ANKRD30BL: variants seen among roughly 807,000 people sequenced by gnomAD.
ANKRD30BL encodes the protein ankyrin repeat domain 30B like.
In ANKRD30BL, 20 loss-of-function variants were observed where a neutral mutation model predicts 18.4. The observed-to-expected ratio is 1.09, with a 90% CI of 0.77 to 1.58. The LOEUF is 1.58. ANKRD30BL is among the 40% of genes most tolerant of loss of function. The probability of loss-of-function intolerance (pLI) is 0.00; values close to 1 mark genes in which losing one functional copy is unlikely to be tolerated. For missense variants in ANKRD30BL, 224 were observed against 268.6 expected (o/e 0.83, Z 1.16); for synonymous variants, 72 against 100.9 (o/e 0.71, Z 1.72).
chr2:132,240,222 A>G (rs569283390), intron 1 of ANKRD30BL, among the ~76,000 whole-genome samples: 4 of 151,910 alleles, frequency 2.6e-5, no homozygotes, highest in Non-Finnish European at 5.9e-5. Flanking sequence ...ACAGAGTTAC[A>G]CCTTTCCTTA....
chr2:132,248,677 C>T (rs1680568939), intron 1 of ANKRD30BL, among the ~76,000 whole-genome samples: 1 of 151,264 alleles, frequency 6.6e-6, no homozygotes, highest in African/African-American at 2.4e-5. Context: ...TTTACAAGAA[C>T]AGAGTTTCCA....
At chr2:132,198,416 C>T (rs1475917308) in intron 1 of ANKRD30BL, among the ~76,000 whole-genome samples, 25 of 150,006 alleles carry the variant, frequency 1.7e-4, no homozygotes, top group African/African-American at 5.9e-4. Flanking sequence ...CTCTGCCTCC[C>T]GGGTTCACAC....
At chr2:132,186,690 G>A (rs1017767712) in intron 1 of ANKRD30BL, among the ~76,000 whole-genome samples, 5 of 152,182 alleles carry the variant, frequency 3.3e-5, no homozygotes, top group African/African-American at 1.2e-4. Context: ...ACTAAACACA[G>A]CTTTTATTTT....
intron 1 of ANKRD30BL, among the ~76,000 whole-genome samples, chr2:132,218,574 G>C (rs1251200481): frequency 6.6e-6 from 1 of 152,376 alleles, no homozygotes; most frequent in South Asian, 2.1e-4. Flanking sequence ...TCTTTTTGCA[G>C]AATCTCCAAG....
intron 1 of ANKRD30BL, among the ~76,000 whole-genome samples, chr2:132,232,148 C>T (rs1680039463): frequency 6.6e-6 from 1 of 152,194 alleles, no homozygotes; most frequent in Non-Finnish European, 1.5e-5. Context: ...GGAAAACTAA[C>T]AAACAGAAAG....
chr2:132,252,171 A>C (rs1365849905), intron 1 of ANKRD30BL, among the ~76,000 whole-genome samples: 1 of 152,240 alleles, frequency 6.6e-6, no homozygotes, highest in Non-Finnish European at 1.5e-5. Flanking sequence ...TGTGAAACTA[A>C]GTGATTGCCT....
At chr2:132,249,040 TGAAAA>T (rs1043212033) in intron 1 of ANKRD30BL, among the ~76,000 whole-genome samples, 1 of 151,932 alleles carries the variant, frequency 6.6e-6, no homozygotes, top group African/African-American at 2.4e-5. Flanking sequence ...ATCTGCTCAA[TGAAAA>T]GAAACGTTTA....
intron 1 of ANKRD30BL, among the ~76,000 whole-genome samples, chr2:132,175,948 C>T (rs1168787724): frequency 6.6e-6 from 1 of 152,184 alleles, no homozygotes; most frequent in Non-Finnish European, 1.5e-5. Context: ...CAGGGCAAAG[C>T]AATTGTTCAA....
chr2:132,154,593 A>G, intron 4 of ANKRD30BL, 69 bp downstream of exon 4: 1 of 534,266 alleles, frequency 1.9e-6, no homozygotes, highest in Non-Finnish European at 3.4e-6. Flanking sequence ...CTAATTTAAT[A>G]TTTCTGACTT....
Position 132,147,774 on chromosome 2 carries a change from A to G in ANKRD30BL, c.*357T>C, listed in dbSNP as rs1288848359. The stretch of plus-strand genomic sequence containing the variant: ...CACTCTAAGCCAATTCAGATTGGCT[A>G]TTTAAAGAGGGCAGGGGTATGAGCT... On this transcript the variant is annotated 3_prime_UTR_variant, in exon 6 of 6. Transcript: ENST00000409867. 2.3e-5 allele frequency: 6 copies of G among 263,570 alleles called. No homozygotes were observed. Among genetic ancestry groups the G allele is most frequent in the East Asian group, 7.9e-5 (1 of 12,616 alleles). 16.3% of individuals were successfully genotyped at this position (263,570 alleles called of 1,614,324 possible).
At chr2:132,252,765 C>T (rs75512559) in intron 1 of ANKRD30BL, among the ~76,000 whole-genome samples, 12 of 151,890 alleles carry the variant, frequency 7.9e-5, no homozygotes, top group Non-Finnish European at 1.3e-4. Flanking sequence ...GAGACGACGA[C>T]GGCATGGGAC....
chr2:132,212,118 T>A (rs916003673), intron 1 of ANKRD30BL, among the ~76,000 whole-genome samples: 2 of 152,020 alleles, frequency 1.3e-5, no homozygotes, highest in Non-Finnish European at 2.9e-5. Flanking sequence ...GAGAAGCTCC[T>A]TTGTGATGTG....
At chr2:132,170,976 G>A (rs1301160703) in intron 1 of ANKRD30BL, among the ~76,000 whole-genome samples, 1 of 152,148 alleles carries the variant, frequency 6.6e-6, no homozygotes, top group Admixed American at 6.5e-5. Context: ...CTAACACGGT[G>A]AAACCTCGTC....
rs1680209615 is a variant in ANKRD30BL at position 132,238,054 on chromosome 2, T to A, written n.441+19475A>T. ...CGAACATTCCGTTTCATAGAACAGTTTTGAAACACTTTTTTTGTAGAATCT... is the reference window on the plus strand; with the variant it reads ...CGAACATTCCGTTTCATAGAACAGTATTGAAACACTTTTTTTGTAGAATCT... On this transcript the variant is annotated intron_variant and non_coding_transcript_variant, in intron 1 of 4. Coordinates refer to the ANKRD30BL transcript ENST00000470729. 2.6e-5 allele frequency among the ~76,000 whole-genome samples: 4 copies of A among 152,054 alleles called. No individual in the cohort carries two copies. The South Asian group carries it at 8.3e-4, about 31-fold the overall frequency.
At chr2:132,218,687 C>G (rs111333744) in intron 1 of ANKRD30BL, among the ~76,000 whole-genome samples, 2 of 151,900 alleles carry the variant, frequency 1.3e-5, no homozygotes, top group Admixed American at 1.3e-4. Flanking sequence ...TGTTTGCCTT[C>G]AACTCACAGA....
At chr2:132,256,891 G>A in intron 1 of ANKRD30BL, 1 of 452,706 alleles carries the variant, frequency 2.2e-6, no homozygotes, top group South Asian at 1.6e-5. Context: ...GGGCAGGGTG[G>A]GGGGCACAGA....
At chr2:132,220,888 C>T (rs1378650986) in intron 1 of ANKRD30BL, among the ~76,000 whole-genome samples, 9 of 151,564 alleles carry the variant, frequency 5.9e-5, no homozygotes, top group Admixed American at 1.3e-4. Flanking sequence ...GGAGCCTCTG[C>T]CCGGCCGCCA....
At chr2:132,237,673 C>G (rs1383405757) in intron 1 of ANKRD30BL, among the ~76,000 whole-genome samples, 2 of 152,234 alleles carry the variant, frequency 1.3e-5, no homozygotes, top group South Asian at 2.1e-4. Flanking sequence ...TGCTTGCAAT[C>G]AACTCACAGA....
chr2:132,213,151 T>C (rs1183657899), intron 1 of ANKRD30BL, among the ~76,000 whole-genome samples: 1 of 151,352 alleles, frequency 6.6e-6, no homozygotes, highest in Non-Finnish European at 1.5e-5. Flanking sequence ...AAAAATCTTC[T>C]CATTATAACT....
Sources: allele counts gnomAD v4.1 joint callset (sites outside exome capture counted in the v4.1 genomes callset), GRCh38; gene constraint gnomAD v4.1.1; transcripts MANE v1.5; gene names NCBI Gene and HGNC (gene_info 2026-07-23, HGNC 2026-07-21).